The following PRKG1 variants were observed in gnomAD, a reference collection of about 807,000 sequenced individuals.
The protein encoded by PRKG1 is cGMP-dependent protein kinase 1.
Under a neutral mutation model 88.1 loss-of-function variants are expected in PRKG1, and 35 were observed. The ratio of observed to expected loss-of-function variants is 0.40; its 90% CI spans 0.30 to 0.53. PRKG1 has a LOEUF of 0.53. Ranked by LOEUF, PRKG1 falls within the 20% of genes least tolerant of loss-of-function variation. PRKG1 has a pLI of 0.59. For missense variants in PRKG1, 540 were observed against 839.8 expected (o/e 0.64, Z 4.41); for synonymous variants, 303 against 292.5 (o/e 1.04, Z -0.37).
chr10:51,867,435 G>T (rs1841044167), intron 4 of PRKG1, among the ~76,000 whole-genome samples: 1 of 151,916 alleles, frequency 6.6e-6, no homozygotes, highest in Non-Finnish European at 1.5e-5. Flanking sequence ...GGAGGGGAGA[G>T]GAATAAAGGT....
intron 3 of PRKG1, among the ~76,000 whole-genome samples, chr10:51,532,896 T>A (rs1229550665): frequency 1.3e-5 from 2 of 152,208 alleles, no homozygotes; most frequent in Non-Finnish European, 2.9e-5. Context: ...TCTCTTTTTT[T>A]CAAATTTGAG....
chr10:51,911,635 A>G (rs1013182642), intron 5 of PRKG1, among the ~76,000 whole-genome samples: 1 of 152,246 alleles, frequency 6.6e-6, no homozygotes, highest in Non-Finnish European at 1.5e-5. Flanking sequence ...AATGCAAAGT[A>G]GACATGTAAA....
intron 8 of PRKG1, among the ~76,000 whole-genome samples, chr10:52,156,426 A>G (rs1185628459): frequency 6.6e-6 from 1 of 151,876 alleles, no homozygotes; most frequent in Non-Finnish European, 1.5e-5. Context: ...TTCCTTTTGC[A>G]TAATCCACAG....
At chr10:51,400,888 G>A (rs1837720437) in intron 2 of PRKG1, among the ~76,000 whole-genome samples, 1 of 152,200 alleles carries the variant, frequency 6.6e-6, no homozygotes, top group African/African-American at 2.4e-5. Context: ...GTTCAAGTGT[G>A]TGAGTCAGTA....
At chr10:51,939,679 T>G (rs950511899) in intron 5 of PRKG1, among the ~76,000 whole-genome samples, 10 of 151,934 alleles carry the variant, frequency 6.6e-5, no homozygotes, top group Non-Finnish European at 1.5e-4. Flanking sequence ...CTCTGGTAAG[T>G]ACTTTAGGGA....
chr10:51,475,534 G>A (rs1840165603), intron 3 of PRKG1, among the ~76,000 whole-genome samples: 1 of 151,954 alleles, frequency 6.6e-6, no homozygotes, highest in Admixed American at 6.6e-5. Context: ...GAACATTACA[G>A]ACACTATAAT....
intron 6 of PRKG1, among the ~76,000 whole-genome samples, chr10:52,060,132 T>A (rs1316336656): frequency 6.6e-6 from 1 of 151,838 alleles, no homozygotes; most frequent in African/African-American, 2.4e-5. Flanking sequence ...CAGATAAAGA[T>A]CCATGATAAT....
intron 3 of PRKG1, among the ~76,000 whole-genome samples, chr10:51,758,639 C>A (rs900673547): frequency 6.6e-6 from 1 of 151,874 alleles, no homozygotes; most frequent in African/African-American, 2.4e-5. Context: ...CTGTACCATG[C>A]CTCATTAGCA....
At position 51,028,059 on chromosome 10, in the gene PRKG1, G is replaced by C. The variant is rs966358664; in HGVS notation, c.266+36415G>C. ...AAGTGAAAGATCTTTTTTCTTGTGA[G>C]GCAGTTTTATTCCAGTGACCTTATT... On this transcript the variant is annotated intron_variant, in intron 1 of 17. Coordinates refer to the PRKG1 transcript ENST00000401604. Among the ~76,000 whole-genome samples, 11 of 152,074 alleles carry C rather than the reference G, an allele frequency of 7.2e-5. No homozygotes were observed. The East Asian group carries it at 2.1e-3, about 29-fold the overall frequency.
At chr10:52,022,360 TTA>T (rs1281701000) in intron 5 of PRKG1, among the ~76,000 whole-genome samples, 2 of 152,220 alleles carry the variant, frequency 1.3e-5, no homozygotes, top group African/African-American at 4.8e-5. Context: ...GTTTAATTTT[TTA>T]CTTCATTATT....
At position 51,970,050 on chromosome 10, in the gene PRKG1, A is replaced by ACC. The variant is rs1554862169; in HGVS notation, c.762+62482_762+62483dup. ...CACACACACACACACACACACACAC[A>ACC]CCCATATTTATTTATATATTTTTCT... On this transcript the variant is annotated intron_variant, in intron 5 of 17. Transcript: ENST00000373980. Among the ~76,000 whole-genome samples the ACC allele has an allele frequency of 2.3e-3, 302 of 133,544 alleles. 1 individual carries two copies. Among genetic ancestry groups the ACC allele is most frequent in the African/African-American group, 7.1e-3 (224 of 31,732 alleles). The allele number at this position is 133,544 out of a possible 152,430, so 87.6% of individuals were successfully genotyped here.
At chr10:51,987,185 A>G (rs1282209343) in intron 5 of PRKG1, among the ~76,000 whole-genome samples, 1 of 152,142 alleles carries the variant, frequency 6.6e-6, no homozygotes, top group East Asian at 1.9e-4. Context: ...GTTAGTAAAT[A>G]TGTAAGTGGT....
intron 5 of PRKG1, among the ~76,000 whole-genome samples, chr10:51,985,588 C>T (rs1844133835): frequency 6.6e-6 from 1 of 152,062 alleles, no homozygotes; most frequent in Non-Finnish European, 1.5e-5. Context: ...ACATCATTTC[C>T]TCAGTTTTGT....
intron 3 of PRKG1, among the ~76,000 whole-genome samples, chr10:51,594,108 T>A (rs1043337611): frequency 5.9e-5 from 9 of 152,126 alleles, no homozygotes; most frequent in Admixed American, 4.6e-4. Flanking sequence ...CACTGCAGTC[T>A]CAAACTCCTG....
intron 1 of PRKG1, among the ~76,000 whole-genome samples, chr10:51,027,933 G>A (rs1021758468): frequency 2.6e-5 from 4 of 152,170 alleles, no homozygotes; most frequent in Non-Finnish European, 5.9e-5. Context: ...TCTCCTGGTT[G>A]TAATAATTAT....
intron 3 of PRKG1, among the ~76,000 whole-genome samples, chr10:51,504,617 T>C (rs1443229499): frequency 6.6e-6 from 1 of 152,204 alleles, no homozygotes; most frequent in Non-Finnish European, 1.5e-5. Context: ...GGAATGTTCT[T>C]CCATTTGTTT....
At chr10:52,094,461 A>T (rs572280685) in intron 7 of PRKG1, among the ~76,000 whole-genome samples, 2 of 151,950 alleles carry the variant, frequency 1.3e-5, no homozygotes, top group South Asian at 4.2e-4. Flanking sequence ...TAAACCCATT[A>T]TTTCATTTCT....
At chr10:51,522,442 G>A (rs1214551363) in intron 3 of PRKG1, among the ~76,000 whole-genome samples, 1 of 152,128 alleles carries the variant, frequency 6.6e-6, no homozygotes, top group Non-Finnish European at 1.5e-5. Flanking sequence ...TTCATTGTGG[G>A]AATTAGATTA....
In PRKG1 at chr10:51,374,093, A is replaced by ATATATAT. The variant is rs1554801054; in HGVS notation, c.479-93630_479-93629insTATATAT. Among the ~76,000 whole-genome samples the ATATATAT allele has an allele frequency of 2.9e-3, 287 of 100,188 alleles. 5 individuals carry two copies. The highest frequency in any genetic ancestry group is 5.5e-3 in the South Asian group (13 of 2,352). The allele number at this position is 100,188 out of a possible 152,430, so 65.7% of individuals were successfully genotyped here. A position where few individuals can be genotyped will look rare whatever the true frequency, so the allele number is the denominator to read the frequency against. The stretch of plus-strand genomic sequence containing the variant: ...GCTGGCAGAGGTTGCAAAAAAAAAA[A>ATATATAT]ATATATATATATATATATATGTACT... On this transcript the variant is annotated intron_variant, in intron 2 of 17. Transcript: ENST00000373980.
Sources: allele counts gnomAD v4.1 joint callset (sites outside exome capture counted in the v4.1 genomes callset), GRCh38; gene constraint gnomAD v4.1.1; transcripts MANE v1.5; gene names NCBI Gene and HGNC (gene_info 2026-07-23, HGNC 2026-07-21).